The following NLRP12 variants were observed in gnomAD, a reference collection of about 807,000 sequenced individuals.
NLRP12 encodes NLR family pyrin domain containing 12.
NLRP12 carries 108 observed loss-of-function variants against 91.2 expected under a neutral mutation model. The ratio of observed to expected loss-of-function variants is 1.18; its 90% CI spans 1.01 to 1.39. The LOEUF (loss-of-function observed/expected upper bound fraction) is 1.39, where lower values mean the gene tolerates loss of function less well. NLRP12 is among the 40% of genes most tolerant of loss of function. NLRP12 has a pLI of 0.00. For synonymous variants in NLRP12, 613 were observed against 566.7 expected (o/e 1.08, Z -1.16); for missense variants, 1,530 against 1,352.7 (o/e 1.13, Z -2.06).
At chr19:53,797,099 A>G (rs1359512255) in intron 8 of NLRP12, among the ~76,000 whole-genome samples, 1 of 151,726 alleles carries the variant, frequency 6.6e-6, no homozygotes, top group Non-Finnish European at 1.5e-5. Context: ...CACAATTAAC[A>G]TTTGATTGGA....
intron 3 of NLRP12, 95 bp from the exon 4 acceptor site, chr19:53,807,760 C>T (rs866035821): frequency 6.9e-7 from 1 of 1,445,374 alleles, no homozygotes; most frequent in Non-Finnish European, 9.6e-7. Flanking sequence ...AGCATGCTAT[C>T]CTTTTTTGAG....
intron 1 of NLRP12, among the ~76,000 whole-genome samples, chr19:53,815,376 G>A (rs548127410): frequency 6.6e-6 from 1 of 151,720 alleles, no homozygotes; most frequent in African/African-American, 2.4e-5. Flanking sequence ...TTACAGGTGT[G>A]CGCCACAATG....
chr19:53,810,396 C>A lies in NLRP12; in HGVS notation c.1263G>T (p.Gly421=), dbSNP rs761465194. 6.2e-7 allele frequency: 1 copy of A among 1,613,730 alleles called. No individual in the cohort carries two copies. Among genetic ancestry groups the A allele is most frequent in the African/African-American group, 1.3e-5 (1 of 75,024 alleles). ...TCCTGGACGTCTGTCTCAACAGCCC[C>A]CCACCCTCCAGCTGCTGCTGGAGGC... ...CTCLQQQLEG[G]GLLRQTSRTT... The change falls in exon 3 of 10, where the codon GGG becomes GGT. Residue 421 remains glycine (G), a synonymous_variant. Transcript: ENST00000324134.
chr19:53,796,143 T>C (rs1229057563), intron 8 of NLRP12, 114 bp from the exon 9 acceptor site: 4 of 989,486 alleles, frequency 4.0e-6, no homozygotes, highest in African/African-American at 3.2e-5. Flanking sequence ...TTCTGTTCAC[T>C]GCAACCTCCG....
chr19:53,806,544 G>T (rs1327119850), intron 4 of NLRP12, among the ~76,000 whole-genome samples: 2 of 151,558 alleles, frequency 1.3e-5, no homozygotes, highest in African/African-American at 4.8e-5. Flanking sequence ...AGCTGGGCAT[G>T]GTGGCACCTG....
Position 53,805,290 on chromosome 19 carries a change from G to C in NLRP12, c.2404C>G (p.Gln802Glu). 1.2e-6 allele frequency: 2 copies of C among 1,613,970 alleles called. No individual in the cohort carries two copies. The highest frequency in any genetic ancestry group is 2.2e-5 in the South Asian group (2 of 91,076). ...EGLRHPQCRL[Q>E]MIQLRKCQLE... ...GGGATAGAGACTCACTGAATCATCT[G>C]CAGCCTGCACTGGGGATGCCGCAGG... The change falls in exon 5 of 10, where the codon CAG becomes GAG. Residue 802 changes from glutamine to glutamate, a missense_variant. Coordinates refer to ENST00000324134, the MANE Select transcript of NLRP12 (RefSeq NM_144687.4).
chr19:53,794,720 G>A (rs930969198), intron 9 of NLRP12, among the ~76,000 whole-genome samples: 7 of 150,184 alleles, frequency 4.7e-5, no homozygotes, highest in African/African-American at 7.4e-5. Flanking sequence ...AGGCTAGAGT[G>A]CAGTGGCATG....
At chr19:53,815,280 A>G (rs899412722) in intron 1 of NLRP12, among the ~76,000 whole-genome samples, 12 of 136,564 alleles carry the variant, frequency 8.8e-5, no homozygotes, top group East Asian at 2.1e-4. Flanking sequence ...CCAGGCTGGA[A>G]TGCAGTGGCA....
rs1434224593 is a variant in NLRP12, at chr19:53,807,635, G to A, written c.2103C>T (p.Tyr701=). 1.2e-6 allele frequency: 2 copies of A among 1,614,198 alleles called. No individual in the cohort carries two copies. The highest frequency in any genetic ancestry group is 2.7e-5 in the African/African-American group (2 of 75,054). The change falls in exon 4 of 10, where the codon TAC becomes TAT. Residue 701 remains tyrosine, a synonymous_variant. Transcript: ENST00000324134. ...ACAGGGCCGCTGCCAGATGTTCACT[G>A]TAGGCGTCCAGCAGAACGGTCCTCT... ...LPERTVLLDA[Y]SEHLAAALCT...
At chr19:53,800,587 C>CT (rs11290529) in intron 7 of NLRP12, among the ~76,000 whole-genome samples, 106 of 149,256 alleles carry the variant, frequency 7.1e-4, no homozygotes, top group Non-Finnish European at 1.1e-3. Flanking sequence ...AAACCCCCCC[C>CT]TTTTTTTTTT....
chr19:53,808,260 T>G (rs150125007), intron 3 of NLRP12: 2 of 185,494 alleles, frequency 1.1e-5, no homozygotes, highest in East Asian at 2.6e-4. Context: ...GATCTCATCA[T>G]GTTGTCCAGG....
intron 1 of NLRP12, among the ~76,000 whole-genome samples, chr19:53,816,491 T>C (rs890190853): frequency 1.3e-5 from 2 of 152,088 alleles, no homozygotes; most frequent in African/African-American, 4.8e-5. Flanking sequence ...GTGCTGGCTC[T>C]GGTAGATTCA....
At chr19:53,795,659 C>T (rs1463995950) in intron 9 of NLRP12, among the ~76,000 whole-genome samples, 200 bp downstream of exon 9, 1 of 152,128 alleles carries the variant, frequency 6.6e-6, no homozygotes, top group Non-Finnish European at 1.5e-5. Flanking sequence ...TAGGTGTGAG[C>T]CACCGCGCCC....
intron 4 of NLRP12, chr19:53,805,806 T>A: frequency 2.9e-6 from 1 of 342,178 alleles, no homozygotes; most frequent in African/African-American, 2.1e-5. Context: ...GCGTGAGCCA[T>A]CATACCTGGC....
intron 4 of NLRP12, among the ~76,000 whole-genome samples, chr19:53,806,679 CAAAAAAA>C (rs58275455): frequency 2.3e-5 from 1 of 43,378 alleles, no homozygotes. Context: ...GACTCCGTCT[CAAAAAAA>C]AAAAAAAAAA....
At chr19:53,801,972 A>C (rs1002852853) in intron 6 of NLRP12, among the ~76,000 whole-genome samples, 1 of 152,056 alleles carries the variant, frequency 6.6e-6, no homozygotes, top group African/African-American at 2.4e-5. Context: ...TCATGCCTGT[A>C]ATCTCAGCAC....
chr19:53,801,169 T>C, intron 7 of NLRP12, 58 bp downstream of exon 7: 1 of 1,530,676 alleles, frequency 6.5e-7, no homozygotes, highest in Non-Finnish European at 9.0e-7. Flanking sequence ...TGGTCCCAGG[T>C]GAGAGGGCTG....
intron 1 of NLRP12, among the ~76,000 whole-genome samples, chr19:53,819,931 A>C (rs1213846334): frequency 6.6e-6 from 1 of 151,748 alleles, no homozygotes; most frequent in Non-Finnish European, 1.5e-5. Flanking sequence ...GAAAGGCTAC[A>C]AACAAGTGTC....
intron 4 of NLRP12, 39 bp from the exon 5 acceptor site, chr19:53,805,489 T>G (rs2091944244): frequency 6.2e-7 from 1 of 1,605,596 alleles, no homozygotes; most frequent in African/African-American, 1.3e-5. Context: ...GGTCATTTCT[T>G]TTGCTCCAGT....
Sources: allele counts gnomAD v4.1 joint callset (sites outside exome capture counted in the v4.1 genomes callset), GRCh38; gene constraint gnomAD v4.1.1; transcripts MANE v1.5; gene names NCBI Gene and HGNC (gene_info 2026-07-23, HGNC 2026-07-21).